The following SLC17A6 variants were observed in gnomAD, a reference collection of about 807,000 sequenced individuals.
SLC17A6 encodes vesicular glutamate transporter 2.
In SLC17A6, 35 loss-of-function variants were observed where a neutral mutation model predicts 67.1. The ratio of observed to expected loss-of-function variants is 0.52; its 90% confidence interval spans 0.40 to 0.69. SLC17A6 has a LOEUF of 0.69. SLC17A6 is among the 30% of genes least tolerant of loss of function. SLC17A6 has a pLI of 0.00. For synonymous variants in SLC17A6, 285 were observed against 252.3 expected, an observed-to-expected ratio of 1.13 and a Z score of -1.23; for missense variants, 588 against 723.9, an observed-to-expected ratio of 0.81 and a Z score of 2.15.
chr11:22,361,685 T>G (rs2133870407), intron 5 of SLC17A6, among the ~76,000 whole-genome samples: 1 of 152,310 alleles, frequency 6.6e-6, no homozygotes, highest in Non-Finnish European at 1.5e-5. Context: ...GCTTTTGAAG[T>G]GTAGAGCTCT....
chr11:22,370,070 C>T lies in SLC17A6; in HGVS notation c.923C>T (p.Thr308Ile). 6.2e-7 allele frequency: 1 copy of T among 1,609,818 alleles called. No homozygotes were observed. Among genetic ancestry groups the T allele is most frequent in the Non-Finnish European group, 8.5e-7 (1 of 1,178,646 alleles). ...AAGACTCCATGGAGGAAGTTTTTTACATCCATGCCAGTCTATGCAATAATT... is the reference window on the plus strand; with the variant it reads ...AAGACTCCATGGAGGAAGTTTTTTATATCCATGCCAGTCTATGCAATAATT... ...KFKTPWRKFF[T>I]SMPVYAIIVA... Residue 308 changes from threonine (T) to isoleucine (I), a missense_variant, in exon 8 of 12, where the codon ACA becomes ATA. By Grantham distance (89) the Thr-to-Ile change is moderately conservative. Around this residue, in one of 4 missense-constraint regions of SLC17A6, gnomAD observed 414 missense variants for 563.4 expected, o/e 0.73. Transcript: ENST00000263160.
chr11:22,370,027 T>C lies in SLC17A6; in HGVS notation c.892-12T>C, dbSNP rs756031329. On this transcript the variant is annotated splice_polypyrimidine_tract_variant and intron_variant, in intron 7 of 11. Coordinates refer to ENST00000263160, the MANE Select transcript of SLC17A6 (RefSeq NM_020346.3). The stretch of plus-strand genomic sequence containing the variant: ...TAAAATGGTCATAATGTCTCTCTTT[T>C]TGGAATTTCAGAAATTCAAGACTCC... 5.6e-6 allele frequency: 9 copies of C among 1,603,466 alleles called. No homozygotes were observed. Among genetic ancestry groups the C allele is most frequent in the South Asian group, 3.4e-5 (3 of 87,820 alleles).
In SLC17A6 at chr11:22,341,797, C is replaced by T. The variant is rs372099882; in HGVS notation, c.339+17C>T. 6 of 1,611,796 alleles carry T rather than the reference C, an allele frequency of 3.7e-6. No individual in the cohort carries two copies. In the African/African-American group the frequency reaches 4.0e-5, roughly 11 times the overall value. On this transcript the variant is annotated intron_variant, in intron 2 of 11. Transcript: ENST00000263160. ...ATCAAGGAGGTGGGCAACGTCTGGC[C>T]GCCCTGGCTCCTGCCCTTCGGCCAT...
rs5790260 is a variant in SLC17A6, at chr11:22,376,103, AT to A, written c.1285+19del. On this transcript the variant is annotated intron_variant, in intron 10 of 11. Coordinates refer to ENST00000263160, the MANE Select transcript of SLC17A6 (RefSeq NM_020346.3). ...GATTTGCTATATCTGGTAAGATATA[AT>A]TTTTTTTCTTTGTACTTGGGACATT... 2.2e-3 allele frequency: 3,525 copies of A among 1,587,150 alleles called. 58 individuals carry two copies. The African/African-American group carries it at 0.039, about 17-fold the overall frequency.
rs75651115 is a variant in SLC17A6 at position 22,369,386 on chromosome 11, G to A, written c.892-653G>A. ...TTTAAGTAACTAATTATGTGCCAAA[G>A]GTACGCTGGGGGTAGACAAATGCTT... On this transcript the variant is annotated intron_variant, in intron 7 of 11. Coordinates refer to ENST00000263160, the MANE Select transcript of SLC17A6 (RefSeq NM_020346.3). 4.7e-3 allele frequency among the ~76,000 whole-genome samples: 709 copies of A among 152,050 alleles called. 28 individuals are homozygous for A. In the East Asian group the frequency reaches 0.1, roughly 22 times the overall value.
intron 3 of SLC17A6, among the ~76,000 whole-genome samples, chr11:22,358,428 C>T (rs905850688): frequency 6.6e-6 from 1 of 152,040 alleles, no homozygotes; most frequent in Non-Finnish European, 1.5e-5. Flanking sequence ...CCTGGGTTCA[C>T]GCAATTCTCC....
At chr11:22,339,366 T>C (rs1415163796) in intron 1 of SLC17A6, among the ~76,000 whole-genome samples, 1 of 151,648 alleles carries the variant, frequency 6.6e-6, no homozygotes, top group Non-Finnish European at 1.5e-5. Flanking sequence ...TGTATATGCA[T>C]TTTTAATTAT....
intron 3 of SLC17A6, among the ~76,000 whole-genome samples, chr11:22,356,746 G>A (rs1590385400): frequency 6.6e-6 from 1 of 152,308 alleles, no homozygotes; most frequent in East Asian, 1.9e-4. Flanking sequence ...TGAGGCATAA[G>A]AATTGCTTGA....
At chr11:22,351,526 A>G (rs1472838050) in intron 3 of SLC17A6, among the ~76,000 whole-genome samples, 2 of 152,110 alleles carry the variant, frequency 1.3e-5, no homozygotes, top group Non-Finnish European at 2.9e-5. Context: ...GATACACTAG[A>G]TGGTATGAGG....
In SLC17A6 at chr11:22,338,462, T is replaced by C; in HGVS notation, c.-72T>C. The C allele has an allele frequency of 9.1e-7, 1 of 1,102,802 alleles. No individual in the cohort carries two copies. The allele number at this position is 1,102,802 out of a possible 1,614,324, so 68.3% of individuals were successfully genotyped here. ...CAACTACTTTAAGAGATTAAGACAATATGCGCAATCCTCGCCTTTCCTAGC... is the reference window on the plus strand; with the variant it reads ...CAACTACTTTAAGAGATTAAGACAACATGCGCAATCCTCGCCTTTCCTAGC... On this transcript the variant is annotated 5_prime_UTR_variant, in exon 1 of 12. Coordinates refer to ENST00000263160, the MANE Select transcript of SLC17A6 (RefSeq NM_020346.3).
Position 22,341,614 on chromosome 11 carries a change from C to G in SLC17A6, c.173C>G (p.Pro58Arg). ...KPLEVPERKA[P>R]LCDCTCFGLP... is the part of the protein sequence containing the mutation. ...CTAGAGGTGCCCGAGAGGAAGGCGC[C>G]GCTGTGCGACTGCACGTGCTTCGGC... Residue 58 changes from proline to arginine, a missense_variant, in exon 2 of 12, where the codon CCG (proline) becomes CGG (arginine). This residue lies in a region of SLC17A6 where 117 missense variants were observed against 98.7 expected (regional missense o/e 1.19). Transcript: ENST00000263160. The G allele has an allele frequency of 2.5e-6, 4 of 1,614,066 alleles. No homozygotes were observed. The highest frequency in any genetic ancestry group is 3.4e-6 in the Non-Finnish European group (4 of 1,180,032).
At chr11:22,339,134 A>ATATATGTTTTT (rs1564976408) in intron 1 of SLC17A6, among the ~76,000 whole-genome samples, 12 of 9,766 alleles carry the variant, frequency 1.2e-3, no homozygotes, top group African/African-American at 5.1e-3. Context: ...TATATGTTAT[A>ATATATGTTTTT]TATATATGTT....
Position 22,343,297 on chromosome 11 carries a change from C to T in SLC17A6, c.390C>T (p.Ser130=). The change falls in exon 3 of 12, where the codon TCC becomes TCT. Residue 130 remains serine, a synonymous_variant. Transcript: ENST00000263160. The part of the protein sequence containing the change: ...DPETVGMIHG[S]FFWGYIITQI... ...AAACCGTGGGGATGATCCACGGTTCCTTCTTTTGGGGCTACATCATCACTC... is the reference window on the plus strand; with the variant it reads ...AAACCGTGGGGATGATCCACGGTTCTTTCTTTTGGGGCTACATCATCACTC... 6.2e-7 allele frequency: 1 copy of T among 1,612,470 alleles called. No individual in the cohort carries two copies. The highest frequency in any genetic ancestry group is 8.5e-7 in the Non-Finnish European group (1 of 1,179,588).
At chr11:22,341,878 GAAGGTTTGGGTGCTCCCT>G in intron 2 of SLC17A6, 98 bp downstream of exon 2, 3 of 1,515,090 alleles carry the variant, frequency 2.0e-6, no homozygotes, top group Non-Finnish European at 2.7e-6. Context: ...CCACTGAGAG[GAAGGTTTGGGTGCTCCCT>G]AAGCTCCTCT....
rs184572397 is a variant in SLC17A6 at position 22,344,789 on chromosome 11, T to C, written c.458+1424T>C. Among the ~76,000 whole-genome samples the C allele has an allele frequency of 3.3e-3, 500 of 152,332 alleles. 2 individuals carry two copies. Among genetic ancestry groups the C allele is most frequent in the African/African-American group, 0.012 (480 of 41,592 alleles). ...TGTGGTAAATCAAACAAAACATTGA[T>C]AGTAGGCAAAAATTAAAGACATTCT... On this transcript the variant is annotated intron_variant, in intron 3 of 11. Coordinates refer to ENST00000263160, the MANE Select transcript of SLC17A6 (RefSeq NM_020346.3).
chr11:22,343,372 C>G lies in SLC17A6; in HGVS notation c.458+7C>G. 1 of 1,603,366 alleles carries G rather than the reference C, an allele frequency of 6.2e-7. No individual in the cohort carries two copies. On this transcript the variant is annotated splice_region_variant and intron_variant, in intron 3 of 11. Transcript: ENST00000263160. ...CTCGGCTGGCAGCCAACAGGTAATG[C>G]GCCAGGCGGGACTGGGGCTCGGGGC... is the stretch of plus-strand genomic sequence containing the variant.
chr11:22,341,617 T>C lies in SLC17A6; in HGVS notation c.176T>C (p.Leu59Pro). ...GAGGTGCCCGAGAGGAAGGCGCCGCTGTGCGACTGCACGTGCTTCGGCCTG... is the reference window on the plus strand; with the variant it reads ...GAGGTGCCCGAGAGGAAGGCGCCGCCGTGCGACTGCACGTGCTTCGGCCTG... Reference protein sequence around the residue: ...PLEVPERKAPLCDCTCFGLPR... With the variant: ...PLEVPERKAPPCDCTCFGLPR... The change falls in exon 2 of 12, where the codon CTG becomes CCG. Residue 59 changes from leucine (L) to proline (P), a missense_variant. Physicochemically the swap from Leu to Pro is moderately conservative, Grantham distance 98. Coordinates refer to ENST00000263160, the MANE Select transcript of SLC17A6 (RefSeq NM_020346.3). 1 of 1,614,062 alleles carries C rather than the reference T, an allele frequency of 6.2e-7. No individual in the cohort carries two copies. The highest frequency in any genetic ancestry group is 8.5e-7 in the Non-Finnish European group (1 of 1,180,026).
At chr11:22,347,740 A>G (rs1011646529) in intron 3 of SLC17A6, among the ~76,000 whole-genome samples, 2 of 152,190 alleles carry the variant, frequency 1.3e-5, no homozygotes, top group Non-Finnish European at 2.9e-5. Context: ...GCTGTTTTAA[A>G]AATATTTTTA....
At position 22,377,789 on chromosome 11, in the gene SLC17A6, G is replaced by A; in HGVS notation, c.*49G>A. The A allele has an allele frequency of 7.0e-7, 1 of 1,431,474 alleles. No homozygotes were observed. Among genetic ancestry groups the A allele is most frequent in the African/African-American group, 1.4e-5 (1 of 69,158 alleles). The allele number at this position is 1,431,474 out of a possible 1,614,324, so 88.7% of individuals were successfully genotyped here. ...TTTAGTGTTTGTGATTAAATTCATT[G>A]TGATTGCACAAAAATTTTAAAAACA... is the stretch of plus-strand genomic sequence containing the variant. On this transcript the variant is annotated 3_prime_UTR_variant, in exon 12 of 12. Transcript: ENST00000263160.
Sources: gnomAD v4.1 joint callset for allele counts (sites outside exome capture counted in the v4.1 genomes callset) on GRCh38, gnomAD v4.1.1 for gene constraint, gnomAD v4.1.1 regional missense constraint, MANE v1.5 for transcripts, NCBI Gene and HGNC (gene_info 2026-07-23, HGNC 2026-07-21) for gene names.